CRAMP1: variants seen among roughly 807,000 people sequenced by gnomAD.
CRAMP1 encodes cramped chromatin regulator 1.
A neutral mutation model predicts 115.4 loss-of-function variants in CRAMP1; 50 were observed. That is an observed-to-expected ratio of 0.43 (90% CI 0.35 to 0.55). CRAMP1 has a LOEUF of 0.55. Ranked by LOEUF, CRAMP1 falls within the 20% of genes least tolerant of loss-of-function variation. The probability of loss-of-function intolerance (pLI) is 0.01; values close to 1 mark genes in which losing one functional copy is unlikely to be tolerated. For synonymous variants in CRAMP1, 866 were observed against 745.4 expected (o/e 1.16, Z -2.64); for missense variants, 1,679 against 1,721.7 (o/e 0.98, Z 0.44).
In CRAMP1 at chr16:1,662,838, C is replaced by A; in HGVS notation, c.2670+3C>A. ...TGCGGAAGCCACTGGTGGTCCAGGT[C>A]AGGGTCTTCTCAAGTCTGAACGTGT... is the stretch of plus-strand genomic sequence containing the variant. On this transcript the variant is annotated splice_donor_region_variant and intron_variant, in intron 13 of 20. Transcript: ENST00000397412. The A allele has an allele frequency of 1.2e-6, 2 of 1,613,238 alleles. No individual in the cohort carries two copies. Among genetic ancestry groups the A allele is most frequent in the South Asian group, 2.2e-5 (2 of 90,994 alleles).
chr16:1,652,932 A>G, intron 7 of CRAMP1, 101 bp from the exon 8 acceptor site: 2 of 1,424,452 alleles, frequency 1.4e-6, no homozygotes, highest in Admixed American at 2.1e-5. Flanking sequence ...TTGCAAGGCC[A>G]TCTGCTCACA....
chr16:1,674,292 T>A lies in CRAMP1; in HGVS notation c.*247T>A. The A allele has an allele frequency of 1.9e-6, 1 of 539,494 alleles. No individual in the cohort carries two copies. Among genetic ancestry groups the A allele is most frequent in the Non-Finnish European group, 3.3e-6 (1 of 300,632 alleles). The allele number at this position is 539,494 out of a possible 1,614,324, so 33.4% of individuals were successfully genotyped here. On this transcript the variant is annotated 3_prime_UTR_variant, in exon 21 of 21. Transcript: ENST00000397412. ...TACTAGAGCCGTTCTTCACCACGCCTGGGCCCATGTTAGGGTCTGCATAAT... is the reference window on the plus strand; with the variant it reads ...TACTAGAGCCGTTCTTCACCACGCCAGGGCCCATGTTAGGGTCTGCATAAT...
At position 1,626,111 on chromosome 16, in the gene CRAMP1, A is replaced by T; in HGVS notation, c.485A>T (p.Gln162Leu). Residue 162 changes from glutamine to leucine, a missense_variant, in exon 3 of 21, where the codon CAG becomes CTG. Physicochemically the swap from Gln to Leu is moderately radical, Grantham distance 113. Around this residue, in one of 8 missense-constraint regions of CRAMP1, gnomAD observed 44 missense variants for 92.4 expected, o/e 0.48. Coordinates refer to ENST00000397412, the MANE Select transcript of CRAMP1 (RefSeq NM_020825.4). ...EKEEGKKVRR[Q>L]WESWSTEDKN... ...GAAGAAGGCAAAAAGGTCCGGCGGCAGTGGGAGTCGTGGAGCACAGAGGAC... is the reference window on the plus strand; with the variant it reads ...GAAGAAGGCAAAAAGGTCCGGCGGCTGTGGGAGTCGTGGAGCACAGAGGAC... The T allele has an allele frequency of 6.5e-7, 1 of 1,550,098 alleles. No homozygotes were observed. Among genetic ancestry groups the T allele is most frequent in the Non-Finnish European group, 8.7e-7 (1 of 1,146,164 alleles).
chr16:1,644,775 G>T (rs546593586), intron 6 of CRAMP1, among the ~76,000 whole-genome samples: 1 of 152,204 alleles, frequency 6.6e-6, no homozygotes, highest in Non-Finnish European at 1.5e-5. Flanking sequence ...AGAGCCCCTC[G>T]TTCTGGGTAA....
intron 6 of CRAMP1, among the ~76,000 whole-genome samples, chr16:1,642,956 A>T (rs1023373566): frequency 6.6e-6 from 1 of 152,218 alleles, no homozygotes; most frequent in Non-Finnish European, 1.5e-5. Context: ...GGGAGAACTT[A>T]TGTAAGAAAT....
At chr16:1,633,208 G>T (rs1427848746) in intron 4 of CRAMP1, among the ~76,000 whole-genome samples, 1 of 152,214 alleles carries the variant, frequency 6.6e-6, no homozygotes, top group East Asian at 1.9e-4. Flanking sequence ...CATTCCTGTG[G>T]TGTCCTCTGG....
chr16:1,666,353 C>CG lies in CRAMP1; in HGVS notation c.2858-68dup. On this transcript the variant is annotated intron_variant, in intron 15 of 20. Transcript: ENST00000397412. This position sits in a 1 kb window ranked among gnomAD's most constrained non-coding sequence, Gnocchi z 5.0. Reference sequence around the variant, plus strand: ...GAGGTGCGAGGGAGAAGCTGTTCCCCGAGCCCTCTTGGGACATCTTATGGG... The same window carrying CG: ...GAGGTGCGAGGGAGAAGCTGTTCCCCGGAGCCCTCTTGGGACATCTTATGGG... 6.8e-7 allele frequency: 1 copy of CG among 1,466,348 alleles called. No individual in the cohort carries two copies. The highest frequency in any genetic ancestry group is 2.0e-5 in the Admixed American group (1 of 50,900). The allele number at this position is 1,466,348 out of a possible 1,614,324, so 90.8% of individuals were successfully genotyped here. A position where few individuals can be genotyped will look rare whatever the true frequency, so the allele number is the denominator to read the frequency against.
intron 6 of CRAMP1, among the ~76,000 whole-genome samples, chr16:1,641,441 G>C (rs1567453138): frequency 6.6e-6 from 1 of 152,190 alleles, no homozygotes; most frequent in Admixed American, 6.5e-5. Context: ...CTGGCTGGGC[G>C]TTGTGGTCTC....
chr16:1,618,263 C>T (rs1182927986), intron 2 of CRAMP1, among the ~76,000 whole-genome samples: 1 of 152,166 alleles, frequency 6.6e-6, no homozygotes, highest in Non-Finnish European at 1.5e-5. Flanking sequence ...GCCTGGGCAA[C>T]AAGGGTGAGA....
At position 1,656,078 on chromosome 16, in the gene CRAMP1, G is replaced by T. The variant is rs571857474; in HGVS notation, c.1321G>T (p.Val441Leu). 1.2e-6 allele frequency: 2 copies of T among 1,610,286 alleles called. No homozygotes were observed. Among genetic ancestry groups the T allele is most frequent in the Non-Finnish European group, 1.7e-6 (2 of 1,178,958 alleles). ...RCKQSAKDAH[V>L]LPPAQILGIQ... Reference sequence around the variant, plus strand: ...CAAGCAGAGTGCCAAGGACGCCCACGTGCTGCCCCCAGCCCAGATCCTGGG... The same window carrying T: ...CAAGCAGAGTGCCAAGGACGCCCACTTGCTGCCCCCAGCCCAGATCCTGGG... Residue 441 changes from valine to leucine, a missense_variant, in exon 10 of 21, where the codon GTG becomes TTG. This residue lies in a region of CRAMP1 where 191 missense variants were observed against 236.2 expected (regional missense o/e 0.81). Transcript: ENST00000397412. The surrounding 1 kb of genome is among the most constrained non-coding windows in gnomAD (Gnocchi z 5.6).
At chr16:1,628,422 T>A (rs1596484124) in intron 3 of CRAMP1, among the ~76,000 whole-genome samples, 2 of 152,162 alleles carry the variant, frequency 1.3e-5, no homozygotes, top group Non-Finnish European at 2.9e-5. Context: ...CCCGGCTAAT[T>A]TTTGTATTTT....
rs185243602 is a variant in CRAMP1 at position 1,671,081 on chromosome 16, G to C, written c.3645+272G>C. On this transcript the variant is annotated intron_variant, in intron 20 of 20. Coordinates refer to ENST00000397412, the MANE Select transcript of CRAMP1 (RefSeq NM_020825.4). This position sits in a 1 kb window ranked among gnomAD's most constrained non-coding sequence, Gnocchi z 5.0. Reference sequence around the variant, plus strand: ...TGGAAACCCTGGTCTGGGGCGCAGAGCAGGGTCTCTGAAGGCAGCCAGAGC... The same window carrying C: ...TGGAAACCCTGGTCTGGGGCGCAGACCAGGGTCTCTGAAGGCAGCCAGAGC... Among the ~76,000 whole-genome samples, 4 of 152,228 alleles carry C rather than the reference G, an allele frequency of 2.6e-5. No individual in the cohort carries two copies. The highest frequency in any genetic ancestry group is 9.6e-5 in the African/African-American group (4 of 41,466).
chr16:1,626,042 C>G lies in CRAMP1; in HGVS notation c.416C>G (p.Ser139Trp). 2.6e-6 allele frequency: 4 copies of G among 1,551,542 alleles called. No homozygotes were observed. The highest frequency in any genetic ancestry group is 3.5e-6 in the Non-Finnish European group (4 of 1,146,932). Reference protein sequence around the residue: ...GVAPAAPAGGSRSSSRNLGSS... With the variant: ...GVAPAAPAGGWRSSSRNLGSS... ...GCCCCTGCTGCCCCTGCAGGGGGCTCGCGCTCCTCCTCCCGGAACTTAGGG... is the reference window on the plus strand; with the variant it reads ...GCCCCTGCTGCCCCTGCAGGGGGCTGGCGCTCCTCCTCCCGGAACTTAGGG... Residue 139 changes from serine to tryptophan, a missense_variant, in exon 3 of 21, where the codon TCG becomes TGG. Physicochemically the swap from Ser to Trp is radical, Grantham distance 177. Coordinates refer to ENST00000397412, the MANE Select transcript of CRAMP1 (RefSeq NM_020825.4).
Position 1,632,280 on chromosome 16 carries a change from A to G in CRAMP1, c.609A>G (p.Ala203=), listed in dbSNP as rs3169425. 356,708 of 1,595,952 alleles carry G rather than the reference A, an allele frequency of 0.22. 52,780 individuals are homozygous for G. Among genetic ancestry groups the G allele is most frequent in the African/African-American group, 0.62 (46,538 of 74,498 alleles). ...AGTACAAGAAGAAAGGCAAGCCAGC[A>G]AGCATGGTGAAGAACAAGGAGCAGG... ...ALKYKKKGKP[A]SMVKNKEQVR... is the part of the protein sequence containing the mutation. The change falls in exon 4 of 21, where the codon GCA becomes GCG. Residue 203 remains alanine, a synonymous_variant. Transcript: ENST00000397412.
chr16:1,658,834 G>C (rs529135173), intron 10 of CRAMP1, among the ~76,000 whole-genome samples: 1 of 152,324 alleles, frequency 6.6e-6, no homozygotes, highest in Admixed American at 6.5e-5. Flanking sequence ...GAGAGCACGG[G>C]GTGGAGGGCT....
intron 5 of CRAMP1, among the ~76,000 whole-genome samples, chr16:1,638,629 A>G (rs1444163391): frequency 1.3e-5 from 2 of 152,148 alleles, no homozygotes; most frequent in Non-Finnish European, 2.9e-5. Flanking sequence ...GCCTGACTTC[A>G]TAAGAAGAGA....
At chr16:1,651,253 C>T (rs996027058) in intron 6 of CRAMP1, among the ~76,000 whole-genome samples, 4 of 148,586 alleles carry the variant, frequency 2.7e-5, no homozygotes, top group Admixed American at 2.7e-4. Context: ...ACACAGAGGT[C>T]ACACGGTGGA....
intron 2 of CRAMP1, among the ~76,000 whole-genome samples, chr16:1,623,701 C>A (rs866313550): frequency 6.6e-6 from 1 of 152,134 alleles, no homozygotes; most frequent in South Asian, 2.1e-4. Flanking sequence ...AGTGACTCCA[C>A]GTGAGGAATC....
In CRAMP1 at chr16:1,665,830, T is replaced by C. The variant is rs2036869468; in HGVS notation, c.2753-243T>C. The C allele has an allele frequency of 7.6e-6, 4 of 528,374 alleles. No individual in the cohort carries two copies. The Admixed American group carries it at 9.9e-5, about 13-fold the overall frequency. The allele number at this position is 528,374 out of a possible 1,614,324, so 32.7% of individuals were successfully genotyped here. A position where few individuals can be genotyped will look rare whatever the true frequency, so the allele number is the denominator to read the frequency against. ...AGCCATTTCCGCAGGATGACAGTGGTGACCGCAGCCTTCCAGTAGCTCCTG... is the reference window on the plus strand; with the variant it reads ...AGCCATTTCCGCAGGATGACAGTGGCGACCGCAGCCTTCCAGTAGCTCCTG... On this transcript the variant is annotated intron_variant, in intron 14 of 20. Coordinates refer to ENST00000397412, the MANE Select transcript of CRAMP1 (RefSeq NM_020825.4).
Sources: allele counts gnomAD v4.1 joint callset (sites outside exome capture counted in the v4.1 genomes callset), GRCh38; gene constraint gnomAD v4.1.1; regional missense constraint gnomAD v4.1.1; non-coding constraint Gnocchi (gnomAD v3.1); transcripts MANE v1.5; gene names NCBI Gene and HGNC (gene_info 2026-07-23, HGNC 2026-07-21).